PPP1R16A: variants seen among roughly 807,000 people sequenced by gnomAD.
PPP1R16A encodes the protein myosin phosphatase-targeting subunit 3.
A neutral mutation model predicts 46.6 loss-of-function variants in PPP1R16A; 39 were observed. The observed-to-expected ratio is 0.84, with a 90% CI of 0.65 to 1.09. The LOEUF (loss-of-function observed/expected upper bound fraction) is 1.09, where lower values mean the gene tolerates loss of function less well. Ranked by LOEUF, PPP1R16A falls within the 50% of genes least tolerant of loss-of-function variation. PPP1R16A has a pLI of 0.00. For synonymous variants in PPP1R16A, 413 were observed against 321.5 expected (o/e 1.28, Z -3.04); for missense variants, 798 against 735.6 (o/e 1.08, Z -0.98).
At chr8:144,483,057 C>T (rs1391812653) in intron 1 of PPP1R16A, among the ~76,000 whole-genome samples, 1 of 152,196 alleles carries the variant, frequency 6.6e-6, no homozygotes, top group East Asian at 1.9e-4. Flanking sequence ...GCTGGAATTA[C>T]AGGTGTGAGC....
At chr8:144,497,670 G>A (rs1199682301) in intron 3 of PPP1R16A, 4 of 703,390 alleles carry the variant, frequency 5.7e-6, no homozygotes, top group Non-Finnish European at 1.0e-5. Context: ...GTGCGGGACA[G>A]CCGTCCTTCA....
chr8:144,492,577 T>C (rs1454765055), intron 2 of PPP1R16A, among the ~76,000 whole-genome samples: 9 of 152,112 alleles, frequency 5.9e-5, no homozygotes, highest in African/African-American at 1.2e-4. Context: ...CCTCGTGATC[T>C]GCCCACCTCG....
At chr8:144,487,513 G>A (rs1438401991) in intron 1 of PPP1R16A, among the ~76,000 whole-genome samples, 1 of 152,146 alleles carries the variant, frequency 6.6e-6, no homozygotes, top group Non-Finnish European at 1.5e-5. Flanking sequence ...GGAACTGCAG[G>A]GGTGCACCAC....
chr8:144,491,551 C>G (rs1825810144), intron 2 of PPP1R16A, among the ~76,000 whole-genome samples: 1 of 152,112 alleles, frequency 6.6e-6, no homozygotes, highest in Non-Finnish European at 1.5e-5. Flanking sequence ...ATCACGAGGT[C>G]AGGAGATCGA....
At chr8:144,480,628 A>T (rs1825373092) in intron 1 of PPP1R16A, among the ~76,000 whole-genome samples, 1 of 152,092 alleles carries the variant, frequency 6.6e-6, no homozygotes, top group Admixed American at 6.6e-5. Context: ...CTGGGACTAC[A>T]GGCGCATGCC....
At chr8:144,480,744 G>C (rs371890435) in intron 1 of PPP1R16A, among the ~76,000 whole-genome samples, 1 of 151,606 alleles carries the variant, frequency 6.6e-6, no homozygotes, top group South Asian at 2.1e-4. Flanking sequence ...TTGGCCTCCC[G>C]AAGTGCGGGG....
intron 3 of PPP1R16A, chr8:144,498,195 G>A (rs1002080609): frequency 7.2e-6 from 3 of 417,470 alleles, no homozygotes; most frequent in South Asian, 5.0e-5. Context: ...AGGGTGCCAT[G>A]GTCCACAGGG....
At position 144,501,121 on chromosome 8, in the gene PPP1R16A, C is replaced by T; in HGVS notation, c.1038-8C>T. ...TTCCCCTCACTCCCTCTCCTCTCTC[C>T]TCCCCAGGAAGGTGGTGAGGCGGGT... On this transcript the variant is annotated splice_region_variant and splice_polypyrimidine_tract_variant and intron_variant, in intron 10 of 11. Transcript: ENST00000435887. 1 of 1,610,444 alleles carries T rather than the reference C, an allele frequency of 6.2e-7. No individual in the cohort carries two copies. Among genetic ancestry groups the T allele is most frequent in the South Asian group, 1.1e-5 (1 of 91,004 alleles).
chr8:144,492,969 G>A (rs987972099), intron 2 of PPP1R16A, among the ~76,000 whole-genome samples: 1 of 152,140 alleles, frequency 6.6e-6, no homozygotes, highest in Non-Finnish European at 1.5e-5. Context: ...GGGCAGCTCT[G>A]GGTTTAGGCT....
At chr8:144,497,790 G>A in intron 3 of PPP1R16A, 1 of 441,430 alleles carries the variant, frequency 2.3e-6, no homozygotes, top group Middle Eastern at 5.2e-4. Context: ...GAGCAGGGGT[G>A]GCCGGTAGTC....
intron 1 of PPP1R16A, among the ~76,000 whole-genome samples, chr8:144,480,303 C>T (rs759153137): frequency 1.3e-5 from 2 of 152,130 alleles, no homozygotes; most frequent in Non-Finnish European, 2.9e-5. Context: ...GCTTTGCTGA[C>T]CATGTGGCTT....
At position 144,495,319 on chromosome 8, in the gene PPP1R16A, A is replaced by G. The variant is rs1826002349; in HGVS notation, c.-734-1142A>G. 1.3e-5 allele frequency: 2 copies of G among 151,564 alleles called. 1 individual carries two copies. Among genetic ancestry groups the G allele is most frequent in the South Asian group, 4.1e-4 (2 of 4,830 alleles). 9.4% of individuals were successfully genotyped at this position (151,564 alleles called of 1,614,324 possible). ...GGGGCATTCTATGAAACACCTGGGT[A>G]GAAGTCCAGCAGTGAAGAGTTGGGT... On this transcript the variant is annotated intron_variant, in intron 2 of 11. Transcript: ENST00000435887.
Position 144,499,050 on chromosome 8 carries a change from G to A in PPP1R16A, c.465G>A (p.Leu155=), listed in dbSNP as rs752513838. Reference sequence around the variant, plus strand: ...GCGGCCACCTGCACCTGGTGGAGCTGCTCATCGCCAGGTAGGGCCTGTTGG... The same window carrying A: ...GCGGCCACCTGCACCTGGTGGAGCTACTCATCGCCAGGTAGGGCCTGTTGG... ...ATCGHLHLVE[L]LIASGANLLA... is the part of the protein sequence containing the mutation. The change falls in exon 5 of 12, where the codon CTG becomes CTA. Residue 155 remains leucine, a synonymous_variant. Coordinates refer to ENST00000435887, the MANE Select transcript of PPP1R16A (RefSeq NM_001329443.2). The A allele has an allele frequency of 7.0e-6, 11 of 1,580,720 alleles. No individual in the cohort carries two copies. In the East Asian group the frequency reaches 1.1e-4, roughly 16 times the overall value.
chr8:144,499,124 T>C, intron 5 of PPP1R16A, 63 bp downstream of exon 5: 1 of 1,514,740 alleles, frequency 6.6e-7, no homozygotes, highest in Non-Finnish European at 8.8e-7. Context: ...CTCAGGAGGC[T>C]CCTCTTGGGC....
At chr8:144,491,897 A>T (rs926102135) in intron 2 of PPP1R16A, among the ~76,000 whole-genome samples, 7 of 152,026 alleles carry the variant, frequency 4.6e-5, no homozygotes, top group African/African-American at 1.4e-4. Context: ...GCACCACTGC[A>T]CCCCAGCCTG....
chr8:144,498,718 C>T (rs772065091), intron 3 of PPP1R16A, 52 bp from the exon 4 acceptor site: 3 of 1,516,738 alleles, frequency 2.0e-6, no homozygotes, highest in South Asian at 1.3e-5. Flanking sequence ...GCACAGTTGA[C>T]AGGACCTGAC....
chr8:144,498,728 C>G, intron 3 of PPP1R16A, 42 bp from the exon 4 acceptor site: 1 of 1,535,438 alleles, frequency 6.5e-7, no homozygotes, highest in Non-Finnish European at 8.8e-7. Flanking sequence ...CAGGACCTGA[C>G]CAGGGGCAGG....
chr8:144,494,060 T>G (rs1298518229), intron 2 of PPP1R16A, among the ~76,000 whole-genome samples: 1 of 152,204 alleles, frequency 6.6e-6, no homozygotes, highest in Admixed American at 6.5e-5. Context: ...TCAGGCTTTC[T>G]CTTCTGTAGG....
chr8:144,501,869 C>T lies in PPP1R16A; in HGVS notation c.1553C>T (p.Pro518Leu). 1 of 1,541,974 alleles carries T rather than the reference C, an allele frequency of 6.5e-7. No individual in the cohort carries two copies. Among genetic ancestry groups the T allele is most frequent in the Non-Finnish European group, 8.7e-7 (1 of 1,144,512 alleles). ...LKLTAPAVEA[P>L]VERRPCCLLM Reference sequence around the variant, plus strand: ...CTCACAGCCCCGGCGGTGGAGGCTCCCGTGGAGAGGAGGCCGTGCTGCCTG... The same window carrying T: ...CTCACAGCCCCGGCGGTGGAGGCTCTCGTGGAGAGGAGGCCGTGCTGCCTG... The change falls in exon 12 of 12, where the codon CCC becomes CTC. Residue 518 changes from proline to leucine, a missense_variant. Pro to Leu is a moderately conservative substitution (Grantham distance 98). Coordinates refer to ENST00000435887, the MANE Select transcript of PPP1R16A (RefSeq NM_001329443.2).
Sources: gnomAD v4.1 joint callset for allele counts (sites outside exome capture counted in the v4.1 genomes callset) on GRCh38, gnomAD v4.1.1 for gene constraint, MANE v1.5 for transcripts, NCBI Gene and HGNC (gene_info 2026-07-23, HGNC 2026-07-21) for gene names.